The following CDH12 variants were observed in gnomAD, a reference collection of about 807,000 sequenced individuals.
The protein encoded by CDH12 is cadherin-12.
CDH12 carries 41 observed loss-of-function variants against 74.1 expected under a neutral mutation model. That is an observed-to-expected ratio of 0.55 (90% confidence interval 0.43 to 0.72). The LOEUF is 0.72. CDH12 is among the 30% of genes least tolerant of loss of function. CDH12 has a pLI of 0.00. For synonymous variants in CDH12, 399 were observed against 355.0 expected, an observed-to-expected ratio of 1.12 and a Z score of -1.39; for missense variants, 945 against 977.2, an observed-to-expected ratio of 0.97 and a Z score of 0.44.
intron 1 of CDH12, among the ~76,000 whole-genome samples, chr5:22,785,351 T>G (rs1161882364): frequency 2.6e-5 from 4 of 152,302 alleles, no homozygotes; most frequent in Admixed American, 2.6e-4. Flanking sequence ...TTGATTCTGA[T>G]GTAAATCAAT....
chr5:22,796,325 G>C (rs1748207261), intron 1 of CDH12, among the ~76,000 whole-genome samples: 1 of 151,932 alleles, frequency 6.6e-6, no homozygotes, highest in Admixed American at 6.6e-5. Context: ...CATGAATTTT[G>C]TTTCTTCATG....
At chr5:22,244,778 AAGAAAGAAAGAAAGAAAGAAAG>A (rs1752883265) in intron 3 of CDH12, among the ~76,000 whole-genome samples, 2 of 121,694 alleles carry the variant, frequency 1.6e-5, no homozygotes, top group Non-Finnish European at 3.7e-5. Context: ...GAAAGAAAGA[AAGAAAGAAAGAAAGAAAGAAAG>A]AAAAATTCAA....
intron 3 of CDH12, among the ~76,000 whole-genome samples, chr5:22,223,829 C>T (rs1219218127): frequency 6.6e-6 from 1 of 151,820 alleles, no homozygotes; most frequent in African/African-American, 2.4e-5. Flanking sequence ...TGGTGCCCAA[C>T]GAATAGAGCA....
intron 2 of CDH12, among the ~76,000 whole-genome samples, chr5:22,436,647 G>T (rs1403231258): frequency 6.6e-6 from 1 of 151,936 alleles, no homozygotes; most frequent in Admixed American, 6.6e-5. Flanking sequence ...AACTCACTGG[G>T]CGGATACGCT....
chr5:21,878,925 A>G (rs200066459), intron 6 of CDH12, among the ~76,000 whole-genome samples: 2 of 148,650 alleles, frequency 1.3e-5, no homozygotes, highest in African/African-American at 2.5e-5. Context: ...GGAAGAAAGA[A>G]AAAGAAAGAA....
At chr5:21,981,028 T>C (rs1757281491) in intron 5 of CDH12, among the ~76,000 whole-genome samples, 1 of 152,164 alleles carries the variant, frequency 6.6e-6, no homozygotes, top group Non-Finnish European at 1.5e-5. Flanking sequence ...TTTTTAATTG[T>C]TTCTATTTTC....
At chr5:22,684,114 G>T (rs983821289) in intron 1 of CDH12, among the ~76,000 whole-genome samples, 1 of 152,098 alleles carries the variant, frequency 6.6e-6, no homozygotes, top group Non-Finnish European at 1.5e-5. Flanking sequence ...GATGTGCATT[G>T]TTTGTCTGAG....
At position 22,134,849 on chromosome 5, in the gene CDH12, A is replaced by G. The variant is rs562506467; in HGVS notation, c.-186-55987T>C. Among the ~76,000 whole-genome samples, 760 of 150,814 alleles carry G rather than the reference A, an allele frequency of 5.0e-3. 9 individuals carry two copies. Among genetic ancestry groups the G allele is most frequent in the African/African-American group, 0.018 (734 of 41,024 alleles). On this transcript the variant is annotated intron_variant, in intron 4 of 14. Coordinates refer to ENST00000382254, the MANE Select transcript of CDH12 (RefSeq NM_004061.5). ...CAAGAGACTTAACATTTCATTATTAATTACAGCAACAGCAAGTTGGCTGTC... is the reference window on the plus strand; with the variant it reads ...CAAGAGACTTAACATTTCATTATTAGTTACAGCAACAGCAAGTTGGCTGTC...
At chr5:21,845,844 T>C (rs780366013) in intron 7 of CDH12, among the ~76,000 whole-genome samples, 2 of 152,116 alleles carry the variant, frequency 1.3e-5, no homozygotes, top group African/African-American at 2.4e-5. Context: ...GAGTCCTTGG[T>C]AAAATTTCCC....
rs1754289099 is a variant in CDH12, at chr5:21,920,244, A to G, written c.526+54847T>C. ...GCAGACAGATACCCCAACCTTGATGAGACATCATGTGAGCAGACATGTAAT... is the reference window on the plus strand; with the variant it reads ...GCAGACAGATACCCCAACCTTGATGGGACATCATGTGAGCAGACATGTAAT... On this transcript the variant is annotated intron_variant, in intron 6 of 14. Transcript: ENST00000382254. Among the ~76,000 whole-genome samples the G allele has an allele frequency of 6.6e-5, 10 of 152,336 alleles. No individual in the cohort carries two copies. In the South Asian group the frequency reaches 2.1e-3, roughly 32 times the overall value.
intron 4 of CDH12, among the ~76,000 whole-genome samples, chr5:22,099,876 AC>A (rs1318408965): frequency 6.6e-6 from 1 of 152,154 alleles, no homozygotes; most frequent in Non-Finnish European, 1.5e-5. Context: ...TTCAATTCAT[AC>A]AAAACTGTAT....
At chr5:22,342,718 TTC>T (rs1211493948) in intron 3 of CDH12, among the ~76,000 whole-genome samples, 1 of 147,622 alleles carries the variant, frequency 6.8e-6, no homozygotes, top group Non-Finnish European at 1.5e-5. Flanking sequence ...CCTTCCCTCT[TTC>T]TCTCTCTCCT....
intron 13 of CDH12, among the ~76,000 whole-genome samples, chr5:21,757,510 TAGTGAG>T (rs768815464): frequency 1.3e-5 from 2 of 152,208 alleles, no homozygotes; most frequent in Admixed American, 6.5e-5. Context: ...GTGATGTCCA[TAGTGAG>T]AAGAAAAAGA....
intron 1 of CDH12, among the ~76,000 whole-genome samples, chr5:22,623,476 G>T (rs138597535): frequency 1.3e-5 from 2 of 152,052 alleles, no homozygotes; most frequent in African/African-American, 4.8e-5. Flanking sequence ...TCTCAGGATA[G>T]AAAATCAATG....
chr5:22,265,595 T>C (rs913824534), intron 3 of CDH12, among the ~76,000 whole-genome samples: 2 of 152,164 alleles, frequency 1.3e-5, no homozygotes, highest in Admixed American at 1.3e-4. Flanking sequence ...TTCATTGAAG[T>C]GTATTTATTT....
intron 1 of CDH12, among the ~76,000 whole-genome samples, chr5:22,559,151 C>T (rs1738934786): frequency 6.6e-6 from 1 of 151,966 alleles, no homozygotes; most frequent in South Asian, 2.1e-4. Flanking sequence ...TTCTTGTACT[C>T]CTGATAATGA....
At chr5:22,710,576 A>G (rs1357953697) in intron 1 of CDH12, among the ~76,000 whole-genome samples, 1 of 152,176 alleles carries the variant, frequency 6.6e-6, no homozygotes, top group Non-Finnish European at 1.5e-5. Flanking sequence ...TTTTTGCTTA[A>G]TCTATAGAGT....
intron 3 of CDH12, among the ~76,000 whole-genome samples, chr5:22,357,924 T>C (rs10065779): frequency 0.27 from 41,330 of 152,098 alleles, 5,668 homozygotes; most frequent in East Asian, 0.34. Flanking sequence ...TTTAACCTTA[T>C]AAAAATTCAT....
chr5:22,762,616 G>A (rs1561013239), intron 1 of CDH12, among the ~76,000 whole-genome samples: 1 of 151,490 alleles, frequency 6.6e-6, no homozygotes, highest in Non-Finnish European at 1.5e-5. Flanking sequence ...TAAAGGATTG[G>A]GACTGAGAAC....
Sources: allele counts gnomAD v4.1 joint callset (sites outside exome capture counted in the v4.1 genomes callset), GRCh38; gene constraint gnomAD v4.1.1; transcripts MANE v1.5; gene names NCBI Gene and HGNC (gene_info 2026-07-23, HGNC 2026-07-21).